Variants in PAPOLA observed in about 807,000 individuals in gnomAD.
PAPOLA encodes poly(A) polymerase alpha, also known as polynucleotide adenylyltransferase alpha.
A neutral mutation model predicts 100.6 loss-of-function variants in PAPOLA; 15 were observed. That is an observed-to-expected ratio of 0.15 (90% CI 0.10 to 0.23). The LOEUF (loss-of-function observed/expected upper bound fraction) is 0.23, where lower values mean the gene tolerates loss of function less well. Ranked by LOEUF, PAPOLA falls within the 10% of genes least tolerant of loss-of-function variation. PAPOLA has a pLI of 1.00. For missense variants in PAPOLA, 533 were observed against 884.2 expected (o/e 0.60, Z 5.04); for synonymous variants, 293 against 300.0 (o/e 0.98, Z 0.24).
chr14:96,502,643 C>T (rs977299181), intron 1 of PAPOLA, 43 bp downstream of exon 1: 3 of 1,557,888 alleles, frequency 1.9e-6, no homozygotes, highest in Non-Finnish European at 2.6e-6. Context: ...GCCGGCTGGG[C>T]CTTGGGGGGC....
intron 4 of PAPOLA, chr14:96,526,133 A>G (rs1898453984): frequency 6.6e-6 from 1 of 152,264 alleles, no homozygotes; most frequent in African/African-American, 2.4e-5. Context: ...ATGCAAATAA[A>G]TACACAATAA....
At chr14:96,508,515 T>TGTTTTCCTCACCTTCTTAAG (rs1478767260) in intron 1 of PAPOLA, among the ~76,000 whole-genome samples, 1 of 152,232 alleles carries the variant, frequency 6.6e-6, no homozygotes, top group East Asian at 1.9e-4. Context: ...TATCCCTGAT[T>TGTTTTCCTCACCTTCTTAAG]GTTTTCCTCA....
At chr14:96,515,970 T>C (rs1258538188) in intron 1 of PAPOLA, among the ~76,000 whole-genome samples, 2 of 152,226 alleles carry the variant, frequency 1.3e-5, no homozygotes, top group Non-Finnish European at 2.9e-5. Context: ...TGTCAGTGCA[T>C]ATGTAAGGCA....
intron 1 of PAPOLA, among the ~76,000 whole-genome samples, chr14:96,513,081 T>G (rs560446737): frequency 4.8e-4 from 73 of 152,356 alleles, no homozygotes; most frequent in African/African-American, 1.4e-3. Flanking sequence ...TTGCTTTTTT[T>G]GGGGATGGAG....
At chr14:96,520,694 C>T (rs1255126836) in intron 2 of PAPOLA, among the ~76,000 whole-genome samples, 1 of 151,960 alleles carries the variant, frequency 6.6e-6, no homozygotes, top group Non-Finnish European at 1.5e-5. Flanking sequence ...GTTCTCTTCC[C>T]TTAATTTTGA....
intron 1 of PAPOLA, among the ~76,000 whole-genome samples, chr14:96,518,750 G>T (rs897195726): frequency 3.3e-5 from 5 of 151,458 alleles, no homozygotes; most frequent in African/African-American, 1.2e-4. Flanking sequence ...ATTGTATTTA[G>T]AACTTGGTAA....
intron 14 of PAPOLA, among the ~76,000 whole-genome samples, chr14:96,543,107 A>G (rs1313346595): frequency 6.6e-6 from 1 of 152,118 alleles, no homozygotes; most frequent in Non-Finnish European, 1.5e-5. Context: ...TTTTCTGATA[A>G]TATTCTTCCA....
intron 12 of PAPOLA, among the ~76,000 whole-genome samples, chr14:96,541,394 T>C (rs1037885455): frequency 1.3e-5 from 2 of 152,206 alleles, no homozygotes; most frequent in African/African-American, 4.8e-5. Context: ...CTAGATGATG[T>C]CAGTTTGCTT....
At position 96,566,645 on chromosome 14, in the gene PAPOLA, G is replaced by A. The variant is rs1902295586; in HGVS notation, c.*1595G>A. On this transcript the variant is annotated 3_prime_UTR_variant, in exon 22 of 22. Coordinates refer to ENST00000216277, the MANE Select transcript of PAPOLA (RefSeq NM_032632.5). ...TTTCTTTTCACCATGACTTTATAATGTCTAGTAAACAATATTTCTACTTCC... is the reference window on the plus strand; with the variant it reads ...TTTCTTTTCACCATGACTTTATAATATCTAGTAAACAATATTTCTACTTCC... The A allele has an allele frequency of 6.6e-6, 1 of 152,338 alleles. No individual in the cohort carries two copies. The highest frequency in any genetic ancestry group is 2.1e-4 in the South Asian group (1 of 4,818). The allele number at this position is 152,338 out of a possible 1,614,324, so 9.4% of individuals were successfully genotyped here. A position where few individuals can be genotyped will look rare whatever the true frequency, so the allele number is the denominator to read the frequency against.
At chr14:96,557,569 GTT>G (rs58555673) in intron 19 of PAPOLA, among the ~76,000 whole-genome samples, 2 of 139,660 alleles carry the variant, frequency 1.4e-5, no homozygotes. Context: ...ATTTCATTGT[GTT>G]TTTTTTTTTT....
chr14:96,535,887 C>G lies in PAPOLA; in HGVS notation c.918C>G (p.Pro306=), dbSNP rs1245580032. The G allele has an allele frequency of 1.3e-5, 21 of 1,590,792 alleles. No individual in the cohort carries two copies. Among genetic ancestry groups the G allele is most frequent in the Non-Finnish European group, 1.7e-5 (20 of 1,168,334 alleles). ...NLPVWDPRVN[P]SDRYHLMPII... is the part of the protein sequence containing the mutation. ...GCTGTTGTTGTATGTAGGTAAACCC[C>G]AGTGATAGGTACCATCTTATGCCTA... The change falls in exon 11 of 22, where the codon CCC becomes CCG. Residue 306 remains proline, a synonymous_variant. Coordinates refer to ENST00000216277, the MANE Select transcript of PAPOLA (RefSeq NM_032632.5).
At chr14:96,535,603 T>C (rs1158749152) in intron 10 of PAPOLA, 1 of 1,078,258 alleles carries the variant, frequency 9.3e-7, no homozygotes, top group Non-Finnish European at 1.1e-6. Context: ...ATCAATAGAT[T>C]CCCAAGCAGA....
At chr14:96,550,763 T>C (rs1471520399) in intron 16 of PAPOLA, among the ~76,000 whole-genome samples, 1 of 152,266 alleles carries the variant, frequency 6.6e-6, no homozygotes, top group East Asian at 1.9e-4. Flanking sequence ...AGATTATTTC[T>C]AAGTTTGCAT....
At chr14:96,542,020 T>C (rs1320223866) in intron 12 of PAPOLA, 3 of 329,722 alleles carry the variant, frequency 9.1e-6, no homozygotes, top group East Asian at 4.9e-5. Context: ...TGCTTTTTGG[T>C]AATTATTCAT....
chr14:96,534,336 A>T, intron 9 of PAPOLA, 155 bp from the exon 10 acceptor site: 1 of 1,383,542 alleles, frequency 7.2e-7, no homozygotes, highest in South Asian at 1.9e-5. Context: ...AAAGATTTTG[A>T]GTAGTCTAAT....
At position 96,542,152 on chromosome 14, in the gene PAPOLA, A is replaced by G. The variant is rs1173245808; in HGVS notation, c.1116-91A>G. On this transcript the variant is annotated intron_variant, in intron 12 of 21. Transcript: ENST00000216277. ...CCCCTTGCTAAATTGATGTGGATCT[A>G]TAACTGTAAGGAAGCTTATTACTTT... 21 of 723,514 alleles carry G rather than the reference A, an allele frequency of 2.9e-5. No individual in the cohort carries two copies. In the East Asian group the frequency reaches 3.2e-4, roughly 11 times the overall value. 44.8% of individuals were successfully genotyped at this position (723,514 alleles called of 1,614,324 possible). A position where few individuals can be genotyped will look rare whatever the true frequency, so the allele number is the denominator to read the frequency against.
Position 96,531,508 on chromosome 14 carries a change from A to G in PAPOLA, c.529A>G (p.Thr177Ala). Reference protein sequence around the residue: ...DILFARLALQTIPEDLDLRDD... With the variant: ...DILFARLALQAIPEDLDLRDD... The stretch of plus-strand genomic sequence containing the variant: ...TTTGTTTGCAAGATTAGCACTGCAG[A>G]CAATTCCTGAAGATTTGGATCTACG... The change falls in exon 7 of 22, where the codon ACA becomes GCA. Residue 177 changes from threonine to alanine, a missense_variant. Coordinates refer to ENST00000216277, the MANE Select transcript of PAPOLA (RefSeq NM_032632.5). 1 of 1,611,022 alleles carries G rather than the reference A, an allele frequency of 6.2e-7. No individual in the cohort carries two copies. Among genetic ancestry groups the G allele is most frequent in the Non-Finnish European group, 8.5e-7 (1 of 1,177,856 alleles).
intron 7 of PAPOLA, chr14:96,532,026 G>T (rs1008044588): frequency 6.4e-6 from 8 of 1,247,592 alleles, no homozygotes; most frequent in South Asian, 2.3e-5. Context: ...TAAGTCTTCC[G>T]CAGTATATGT....
intron 3 of PAPOLA, among the ~76,000 whole-genome samples, chr14:96,522,645 T>C (rs1455803415): frequency 1.4e-4 from 21 of 152,122 alleles, no homozygotes; most frequent in Non-Finnish European, 1.9e-4. Context: ...GCTTAAGATA[T>C]CTGCTTGCCT....
Sources: allele counts gnomAD v4.1 joint callset (sites outside exome capture counted in the v4.1 genomes callset), GRCh38; gene constraint gnomAD v4.1.1; transcripts MANE v1.5; gene names NCBI Gene and HGNC (gene_info 2026-07-23, HGNC 2026-07-21).